The following MBNL1 variants were observed in gnomAD, a reference collection of about 807,000 sequenced individuals.
MBNL1 encodes the protein muscleblind like splicing regulator 1.
A neutral mutation model predicts 42.2 loss-of-function variants in MBNL1; 8 were observed. That is an observed-to-expected ratio of 0.19 (90% CI 0.11 to 0.34). The LOEUF (loss-of-function observed/expected upper bound fraction) is 0.34. Among genes scored for constraint, MBNL1 ranks in the 10% least tolerant of loss-of-function variants. The pLI, the probability that MBNL1 is intolerant of heterozygous loss-of-function variation, is 1.00. For synonymous variants in MBNL1, 169 were observed against 173.9 expected (o/e 0.97, Z 0.22); for missense variants, 309 against 495.3 (o/e 0.62, Z 3.57).
At chr3:152,428,489 TC>T (rs1350991756) in intron 3 of MBNL1, among the ~76,000 whole-genome samples, 1 of 151,776 alleles carries the variant, frequency 6.6e-6, no homozygotes, top group Non-Finnish European at 1.5e-5. Flanking sequence ...ACCTAAAGAG[TC>T]CTAATTCTTG....
chr3:152,335,031 TCTGCTGCTGCTG>T, intron 2 of MBNL1: 2 of 1,189,014 alleles, frequency 1.7e-6, no homozygotes, highest in Non-Finnish European at 2.2e-6. Flanking sequence ...TGCTCCAGCT[TCTGCTGCTGCTG>T]CTGCTGCTAA....
chr3:152,295,646 A>AG (rs1189148948), intron 1 of MBNL1, among the ~76,000 whole-genome samples: 23 of 152,330 alleles, frequency 1.5e-4, no homozygotes, highest in African/African-American at 4.3e-4. Context: ...GCTACAAAGT[A>AG]CCAGAAACAT....
chr3:152,329,039 C>CA (rs1440678363), intron 2 of MBNL1, among the ~76,000 whole-genome samples: 1 of 151,744 alleles, frequency 6.6e-6, no homozygotes, highest in East Asian at 1.9e-4. Flanking sequence ...GAAAAACTGA[C>CA]AGAGTAGAAT....
chr3:152,317,028 C>CA (rs2152292830), intron 2 of MBNL1, among the ~76,000 whole-genome samples: 1 of 151,888 alleles, frequency 6.6e-6, no homozygotes, highest in South Asian at 2.1e-4. Flanking sequence ...ATTTCTGATT[C>CA]AAAAAATATA....
At chr3:152,388,242 C>G (rs1579281297) in intron 2 of MBNL1, among the ~76,000 whole-genome samples, 1 of 152,124 alleles carries the variant, frequency 6.6e-6, no homozygotes, top group Non-Finnish European at 1.5e-5. Context: ...GTTGGCTACC[C>G]TCTTCAAGAT....
chr3:152,372,400 T>G (rs1271339812), intron 2 of MBNL1, among the ~76,000 whole-genome samples: 1 of 152,234 alleles, frequency 6.6e-6, no homozygotes, highest in Non-Finnish European at 1.5e-5. Flanking sequence ...ATTTTCAGCC[T>G]TCTTGTGCTG....
intron 3 of MBNL1, among the ~76,000 whole-genome samples, chr3:152,432,133 T>C (rs2099015525): frequency 1.3e-5 from 2 of 152,194 alleles, no homozygotes; most frequent in South Asian, 2.1e-4. Flanking sequence ...CAAGTAAATA[T>C]ACCAAACACT....
chr3:152,279,902 G>A (rs765655354), intron 1 of MBNL1, among the ~76,000 whole-genome samples: 29 of 152,150 alleles, frequency 1.9e-4, no homozygotes, highest in Non-Finnish European at 3.7e-4. Flanking sequence ...GATGTAGCCT[G>A]TGACTTTAAA....
intron 2 of MBNL1, among the ~76,000 whole-genome samples, chr3:152,373,303 A>C (rs976224503): frequency 2.1e-5 from 3 of 145,322 alleles, no homozygotes; most frequent in African/African-American, 7.6e-5. Context: ...GAGAGTGAAC[A>C]GTTCTGTCGC....
chr3:152,368,383 T>G (rs1187639625), intron 2 of MBNL1, among the ~76,000 whole-genome samples: 1 of 152,210 alleles, frequency 6.6e-6, no homozygotes, highest in African/African-American at 2.4e-5. Context: ...TCTGTTTTGC[T>G]AGCAGTACCA....
intron 3 of MBNL1, among the ~76,000 whole-genome samples, chr3:152,420,305 C>G (rs1421123165): frequency 2.6e-5 from 4 of 152,190 alleles, no homozygotes; most frequent in Non-Finnish European, 5.9e-5. Context: ...TCCCTGACCC[C>G]TGTGCCTCCT....
intron 2 of MBNL1, among the ~76,000 whole-genome samples, chr3:152,367,598 C>T (rs1264032740): frequency 2.6e-5 from 4 of 152,268 alleles, no homozygotes; most frequent in South Asian, 4.2e-4. Context: ...CTTGAGGAAT[C>T]GCCACACTGT....
intron 2 of MBNL1, among the ~76,000 whole-genome samples, chr3:152,362,132 T>C (rs557411394): frequency 1.4e-4 from 22 of 152,348 alleles, no homozygotes; most frequent in South Asian, 6.2e-4. Flanking sequence ...AATTAATCAA[T>C]GACAACATGA....
At chr3:152,276,506 T>C (rs1479112957) in intron 1 of MBNL1, among the ~76,000 whole-genome samples, 2 of 152,192 alleles carry the variant, frequency 1.3e-5, no homozygotes, top group Non-Finnish European at 1.5e-5. Context: ...AAAATACTTA[T>C]TTTGGATGCT....
chr3:152,360,070 T>C (rs2095826453), intron 2 of MBNL1, among the ~76,000 whole-genome samples: 1 of 152,208 alleles, frequency 6.6e-6, no homozygotes, highest in African/African-American at 2.4e-5. Context: ...GTCAACCACA[T>C]ACCTTGGCCA....
intron 8 of MBNL1, among the ~76,000 whole-genome samples, chr3:152,457,350 A>G (rs1735671546): frequency 6.6e-6 from 1 of 152,240 alleles, no homozygotes; most frequent in Non-Finnish European, 1.5e-5. Context: ...AATGAATCTC[A>G]AAAGAATGAG....
chr3:152,368,470 C>G (rs936907245), intron 2 of MBNL1, among the ~76,000 whole-genome samples: 3 of 152,060 alleles, frequency 2.0e-5, no homozygotes, highest in African/African-American at 7.2e-5. Flanking sequence ...GTTCTTTTTG[C>G]TTAGAATTGT....
chr3:152,311,249 C>T (rs953452909), intron 2 of MBNL1, among the ~76,000 whole-genome samples: 8 of 152,054 alleles, frequency 5.3e-5, no homozygotes, highest in Admixed American at 1.3e-4. Context: ...CCTCGTGATC[C>T]GTCTGCCTTG....
intron 1 of MBNL1, among the ~76,000 whole-genome samples, chr3:152,274,742 A>G (rs1559971089): frequency 6.6e-6 from 1 of 152,174 alleles, no homozygotes; most frequent in African/African-American, 2.4e-5. Context: ...TAGGAGAAAT[A>G]TAATGGTTTC....
Sources: allele counts gnomAD v4.1 joint callset (sites outside exome capture counted in the v4.1 genomes callset), GRCh38; gene constraint gnomAD v4.1.1; transcripts MANE v1.5; gene names NCBI Gene and HGNC (gene_info 2026-07-23, HGNC 2026-07-21).